The following IL1RAPL1 variants were observed in gnomAD, a reference collection of about 807,000 sequenced individuals.
IL1RAPL1 encodes interleukin 1 receptor accessory protein like 1.
A neutral mutation model predicts 48.4 loss-of-function variants in IL1RAPL1; 3 were observed. The ratio of observed to expected loss-of-function variants is 0.06; its 90% CI spans 0.03 to 0.16. The LOEUF is 0.16. Ranked by LOEUF, IL1RAPL1 falls within the 10% of genes least tolerant of loss-of-function variation. The pLI is 1.00. For missense variants in IL1RAPL1, 349 were observed against 530.6 expected, an observed-to-expected ratio of 0.66 and a Z score of 3.36; for synonymous variants, 185 against 187.7, an observed-to-expected ratio of 0.99 and a Z score of 0.12.
At chrX:29,064,575 T>G (rs763317171) in intron 2 of IL1RAPL1, among the ~76,000 whole-genome samples, 14 of 110,861 alleles carry the variant, frequency 1.3e-4, no homozygotes, top group Non-Finnish European at 1.7e-4. Flanking sequence ...TTTTTGTTTT[T>G]GTTTTTGTTT....
At chrX:29,932,153 A>AT (rs1932958428) in intron 8 of IL1RAPL1, among the ~76,000 whole-genome samples, 1 of 112,157 alleles carries the variant, frequency 8.9e-6, no homozygotes, top group Non-Finnish European at 1.9e-5. Context: ...CCCCATCTGA[A>AT]TACTTTGTAC....
chrX:29,211,120 G>GGAGAGA (rs3065741), intron 2 of IL1RAPL1, among the ~76,000 whole-genome samples: 9 of 104,047 alleles, frequency 8.6e-5, no homozygotes, highest in South Asian at 4.3e-4. Flanking sequence ...AAAGAGAAAG[G>GGAGAGA]GAGAGAGAGA....
chrX:29,695,756 G>A (rs1416464085), intron 6 of IL1RAPL1, among the ~76,000 whole-genome samples: 1 of 111,118 alleles, frequency 9.0e-6, no homozygotes, highest in Non-Finnish European at 1.9e-5. Context: ...GAGGATTAGC[G>A]TTACAACATA....
At chrX:29,557,385 T>G (rs1171505236) in intron 5 of IL1RAPL1, among the ~76,000 whole-genome samples, 1 of 111,726 alleles carries the variant, frequency 9.0e-6, no homozygotes, top group East Asian at 2.8e-4. Flanking sequence ...TTTATTGAGA[T>G]GTAGTGACAA....
intron 6 of IL1RAPL1, among the ~76,000 whole-genome samples, chrX:29,839,076 T>G (rs762278267): frequency 2.7e-5 from 3 of 112,316 alleles, no homozygotes; most frequent in Non-Finnish European, 5.6e-5. Flanking sequence ...ATTGGCAAAA[T>G]GGCCAAGCCC....
chrX:29,112,844 G>T (rs1328146777), intron 2 of IL1RAPL1, among the ~76,000 whole-genome samples: 1 of 97,029 alleles, frequency 1.0e-5, no homozygotes, highest in African/African-American at 4.0e-5. Context: ...CTGTTCCCCA[G>T]GCTGGAGGGC....
intron 2 of IL1RAPL1, among the ~76,000 whole-genome samples, chrX:29,102,966 C>T (rs1382848851): frequency 9.0e-6 from 1 of 111,642 alleles, no homozygotes; most frequent in Non-Finnish European, 1.9e-5. Flanking sequence ...TGAATAAAGA[C>T]ATTGATGAAG....
At chrX:29,787,772 G>C (rs1179737940) in intron 6 of IL1RAPL1, among the ~76,000 whole-genome samples, 1 of 111,721 alleles carries the variant, frequency 9.0e-6, no homozygotes, top group Non-Finnish European at 1.9e-5. Context: ...TCTTTACTAG[G>C]TTTGTCAGTA....
At chrX:29,474,836 T>C (rs1251648752) in intron 5 of IL1RAPL1, among the ~76,000 whole-genome samples, 1 of 111,054 alleles carries the variant, frequency 9.0e-6, no homozygotes, top group African/African-American at 3.3e-5. Context: ...AACATGAGGT[T>C]TGGAGGGAAT....
At chrX:29,200,675 G>T (rs898835562) in intron 2 of IL1RAPL1, among the ~76,000 whole-genome samples, 1 of 111,215 alleles carries the variant, frequency 9.0e-6, no homozygotes, top group Non-Finnish European at 1.9e-5. Flanking sequence ...AGCAACTAGA[G>T]CTGTAATGAT....
chrX:29,369,938 T>G (rs1006158993), intron 3 of IL1RAPL1: 1 of 112,088 alleles, frequency 8.9e-6, no homozygotes, highest in African/African-American at 3.2e-5. Flanking sequence ...CTAGCTCATG[T>G]CGTATATGTT....
intron 2 of IL1RAPL1, among the ~76,000 whole-genome samples, chrX:29,251,493 A>C (rs1335104036): frequency 2.7e-5 from 3 of 111,831 alleles, no homozygotes; most frequent in Non-Finnish European, 5.6e-5. Context: ...ACACACACAA[A>C]TACATGTATG....
intron 2 of IL1RAPL1, among the ~76,000 whole-genome samples, chrX:29,215,312 C>T (rs914967463): frequency 9.4e-6 from 1 of 106,458 alleles, no homozygotes; most frequent in Non-Finnish European, 1.9e-5. Flanking sequence ...CGTTGCATTC[C>T]AGCCTGGGCC....
intron 5 of IL1RAPL1, among the ~76,000 whole-genome samples, chrX:29,594,768 C>T (rs1923488284): frequency 9.0e-6 from 1 of 111,015 alleles, no homozygotes; most frequent in South Asian, 3.8e-4. Context: ...TTTTAAGGAA[C>T]AAGTGGTGTT....
chrX:28,763,036 A>G (rs1936195252), intron 1 of IL1RAPL1, among the ~76,000 whole-genome samples: 1 of 111,457 alleles, frequency 9.0e-6, no homozygotes, highest in Non-Finnish European at 1.9e-5. Flanking sequence ...TAGTATCTCC[A>G]TGTCTCCAAA....
At chrX:29,769,916 CCAAA>C (rs1381247192) in intron 6 of IL1RAPL1, among the ~76,000 whole-genome samples, 1 of 106,269 alleles carries the variant, frequency 9.4e-6, no homozygotes, top group African/African-American at 3.4e-5. Flanking sequence ...TGCCTGGCCG[CCAAA>C]CAGTTTTTCA....
intron 1 of IL1RAPL1, among the ~76,000 whole-genome samples, chrX:28,690,122 G>A (rs1209960479): frequency 9.0e-6 from 1 of 111,376 alleles, no homozygotes; most frequent in Non-Finnish European, 1.9e-5. Flanking sequence ...GGTGGGGGTA[G>A]TGGATAAATT....
chrX:28,872,074 C>T (rs1265428117), intron 2 of IL1RAPL1, among the ~76,000 whole-genome samples: 1 of 111,939 alleles, frequency 8.9e-6, no homozygotes, highest in East Asian at 2.8e-4. Flanking sequence ...GTGGCATGAC[C>T]ATGGCTCACT....
intron 1 of IL1RAPL1, among the ~76,000 whole-genome samples, chrX:28,642,460 C>T (rs1934557513): frequency 1.8e-5 from 2 of 111,986 alleles, no homozygotes; most frequent in African/African-American, 6.5e-5. Context: ...ATAACAGTCT[C>T]TCAGACCACA....
Sources: gnomAD v4.1 joint callset for allele counts (sites outside exome capture counted in the v4.1 genomes callset) on GRCh38, gnomAD v4.1.1 for gene constraint, MANE v1.5 for transcripts, NCBI Gene and HGNC (gene_info 2026-07-23, HGNC 2026-07-21) for gene names.